UBE2V2: variants seen among roughly 807,000 people sequenced by gnomAD.
The protein encoded by UBE2V2 is ubiquitin-conjugating enzyme E2 variant 2.
Under a neutral mutation model 17.2 loss-of-function variants are expected in UBE2V2, and 9 were observed. The ratio of observed to expected loss-of-function variants is 0.52; its 90% CI spans 0.32 to 0.91. The LOEUF is 0.91. Ranked by LOEUF, UBE2V2 falls within the 40% of genes least tolerant of loss-of-function variation. The pLI is 0.04. For missense variants in UBE2V2, 133 were observed against 182.6 expected (o/e 0.73, Z 1.56); for synonymous variants, 61 against 57.5 (o/e 1.06, Z -0.28).
intron 2 of UBE2V2, chr8:48,043,677 T>G (rs1019493258): frequency 6.6e-6 from 1 of 152,306 alleles, no homozygotes; most frequent in Non-Finnish European, 1.5e-5. Flanking sequence ...TGACGTAACA[T>G]GTTACCTCTT....
At chr8:48,008,430 C>G (rs768520778), upstream of UBE2V2, 2 of 1,562,088 alleles carry the variant, frequency 1.3e-6, no homozygotes, top group South Asian at 1.2e-5. Context: ...TGCGTGCGGG[C>G]GGCTGCGTCG....
chr8:48,002,071 G>A, the UBE2V2 span, among the ~76,000 whole-genome samples: 1 of 151,604 alleles, frequency 6.6e-6, no homozygotes, highest in Non-Finnish European at 1.5e-5. Flanking sequence ...CCTGGGAAAC[G>A]AGTGAAACTC....
At chr8:48,059,843 C>G (rs1475701884) in intron 3 of UBE2V2, among the ~76,000 whole-genome samples, 1 of 152,128 alleles carries the variant, frequency 6.6e-6, no homozygotes, top group Non-Finnish European at 1.5e-5. Context: ...CAGGACAGGT[C>G]AAATGCTGAC....
At chr8:48,031,396 A>G (rs148122389) in intron 1 of UBE2V2, among the ~76,000 whole-genome samples, 2 of 152,140 alleles carry the variant, frequency 1.3e-5, no homozygotes, top group African/African-American at 4.8e-5. Flanking sequence ...TTTTCCCCTT[A>G]TCTAGCTGAG....
At chr8:48,006,878 T>A (rs2091186578), upstream of UBE2V2, among the ~76,000 whole-genome samples, 2 of 152,044 alleles carry the variant, frequency 1.3e-5, no homozygotes, top group Admixed American at 6.6e-5. Context: ...TTTTATTTTT[T>A]ATTTTTTTTT....
At chr8:48,036,922 G>A (rs368565281) in intron 1 of UBE2V2, among the ~76,000 whole-genome samples, 1 of 152,042 alleles carries the variant, frequency 6.6e-6, no homozygotes, top group East Asian at 2.0e-4. Flanking sequence ...GCTCACGCCT[G>A]TAATGCCAGC....
intron 1 of UBE2V2, among the ~76,000 whole-genome samples, chr8:48,037,957 G>C (rs1229033465): frequency 6.6e-6 from 1 of 152,110 alleles, no homozygotes; most frequent in African/African-American, 2.4e-5. Flanking sequence ...TGCAGATAAA[G>C]GCTGAATTGC....
At chr8:48,049,792 C>G in intron 2 of UBE2V2, 61 bp from the exon 3 acceptor site, 1 of 1,392,256 alleles carries the variant, frequency 7.2e-7, no homozygotes, top group Non-Finnish European at 9.8e-7. Context: ...TTTTTTAGCA[C>G]TTAGACATTA....
intron 1 of UBE2V2, chr8:48,042,685 T>C (rs181707089): frequency 2.5e-5 from 4 of 162,008 alleles, no homozygotes; most frequent in East Asian, 1.7e-4. Flanking sequence ...CTATGAACTT[T>C]CTGGGCATGC....
chr8:48,021,563 C>T (rs2091305949), intron 1 of UBE2V2, among the ~76,000 whole-genome samples: 1 of 152,092 alleles, frequency 6.6e-6, no homozygotes, highest in East Asian at 1.9e-4. Context: ...GCCTTGGCCT[C>T]CCAAAGTGCT....
chr8:48,006,045 T>C (rs1323645332), upstream of UBE2V2, among the ~76,000 whole-genome samples: 2 of 152,228 alleles, frequency 1.3e-5, no homozygotes, highest in Non-Finnish European at 2.9e-5. Flanking sequence ...ATTTTGGCTT[T>C]TGTTGCCATT....
At chr8:48,053,448 G>A (rs2091552125) in intron 3 of UBE2V2, among the ~76,000 whole-genome samples, 1 of 145,048 alleles carries the variant, frequency 6.9e-6, no homozygotes, top group Non-Finnish European at 1.5e-5. Context: ...TTTTGAGATG[G>A]AGTCTCACTC....
intron 1 of UBE2V2, among the ~76,000 whole-genome samples, chr8:48,011,482 A>G (rs569539877): frequency 4.5e-4 from 69 of 152,270 alleles, no homozygotes; most frequent in African/African-American, 1.6e-3. Context: ...TTGGTCTAAT[A>G]CACGTGTTTT....
chr8:48,003,790 A>C (rs751218735), upstream of UBE2V2, among the ~76,000 whole-genome samples: 2 of 152,218 alleles, frequency 1.3e-5, no homozygotes, highest in Non-Finnish European at 2.9e-5. Flanking sequence ...GTGGGATTTC[A>C]ATTTGGCCTT....
Position 48,008,472 on chromosome 8 carries a change from T to G in UBE2V2, c.16+2T>G, listed in dbSNP as rs771019920. On this transcript the variant is annotated splice_donor_variant, in intron 1 of 3. Coordinates refer to ENST00000523111, the MANE Select transcript of UBE2V2 (RefSeq NM_003350.3). LOFTEE classifies it high-confidence loss of function. ...AGGAGAAGATGGCGGTCTCCACAGG[T>G]CGGTTCCCGGGCCGGGCTGCGTGAT... is the stretch of plus-strand genomic sequence containing the variant. The G allele has an allele frequency of 1.3e-6, 2 of 1,567,914 alleles. No individual in the cohort carries two copies. Among genetic ancestry groups the G allele is most frequent in the Non-Finnish European group, 1.7e-6 (2 of 1,159,070 alleles).
chr8:48,033,714 T>C (rs1029277023), intron 1 of UBE2V2, among the ~76,000 whole-genome samples: 15 of 151,968 alleles, frequency 9.9e-5, no homozygotes, highest in African/African-American at 3.6e-4. Context: ...TCCTAGCACT[T>C]TGGGAGGCCG....
chr8:48,046,646 C>A (rs923232491), intron 2 of UBE2V2, among the ~76,000 whole-genome samples: 2 of 152,178 alleles, frequency 1.3e-5, no homozygotes, highest in African/African-American at 4.8e-5. Flanking sequence ...GTCAACCAGG[C>A]TGGAGTGTAG....
intron 1 of UBE2V2, among the ~76,000 whole-genome samples, chr8:48,016,868 C>A (rs2091272538): frequency 6.7e-6 from 1 of 149,866 alleles, no homozygotes; most frequent in African/African-American, 2.5e-5. Flanking sequence ...TTGACTGCAA[C>A]CTCCACCTCC....
At chr8:48,044,475 G>A (rs895162277) in intron 2 of UBE2V2, among the ~76,000 whole-genome samples, 27 of 152,154 alleles carry the variant, frequency 1.8e-4, no homozygotes, top group African/African-American at 6.5e-4. Flanking sequence ...AAAGAAAAAT[G>A]TATCAGGTAA....
Sources: gnomAD v4.1 joint callset for allele counts (sites outside exome capture counted in the v4.1 genomes callset) on GRCh38, gnomAD v4.1.1 for gene constraint, MANE v1.5 for transcripts, NCBI Gene and HGNC (gene_info 2026-07-23, HGNC 2026-07-21) for gene names.